ABCB7: variants seen among roughly 807,000 people sequenced by gnomAD.
The protein encoded by ABCB7 is ATP binding cassette subfamily B member 7.
ABCB7 carries 7 observed loss-of-function variants against 54.4 expected under a neutral mutation model. That is an observed-to-expected ratio of 0.13 (90% CI 0.07 to 0.24). ABCB7 has a LOEUF of 0.24. Ranked by LOEUF, ABCB7 falls within the 10% of genes least tolerant of loss-of-function variation. ABCB7 has a pLI of 1.00. For synonymous variants in ABCB7, 218 were observed against 207.1 expected, an observed-to-expected ratio of 1.05 and a Z score of -0.45; for missense variants, 356 against 570.4, an observed-to-expected ratio of 0.62 and a Z score of 3.83.
chrX:75,080,373 C>T (rs926246298), intron 4 of ABCB7, among the ~76,000 whole-genome samples: 7 of 111,731 alleles, frequency 6.3e-5, no homozygotes, highest in African/African-American at 2.3e-4. Flanking sequence ...GGCATGATCT[C>T]GGCTCAGTGC....
intron 1 of ABCB7, among the ~76,000 whole-genome samples, chrX:75,127,492 C>G (rs923874496): frequency 2.7e-5 from 3 of 111,900 alleles, no homozygotes; most frequent in African/African-American, 9.8e-5. Context: ...CCTTTGAAAA[C>G]TGGCACAAGG....
intron 6 of ABCB7, among the ~76,000 whole-genome samples, chrX:75,075,145 T>C (rs2081397486): frequency 8.9e-6 from 1 of 112,131 alleles, no homozygotes; most frequent in African/African-American, 3.2e-5. Flanking sequence ...CTAATCTATG[T>C]GTAGAATTGA....
intron 3 of ABCB7, among the ~76,000 whole-genome samples, chrX:75,108,433 C>T (rs187020110): frequency 5.2e-4 from 58 of 111,646 alleles, no homozygotes; most frequent in Admixed American, 4.9e-3. Flanking sequence ...TCCTCCTCTG[C>T]TATCAGAATA....
intron 4 of ABCB7, among the ~76,000 whole-genome samples, chrX:75,097,031 C>CT (rs2081597593): frequency 9.0e-6 from 1 of 111,488 alleles, no homozygotes; most frequent in African/African-American, 3.3e-5. Context: ...TTGAATTCAT[C>CT]TTTTACACAT....
intron 1 of ABCB7, among the ~76,000 whole-genome samples, chrX:75,115,397 TTCTG>T (rs1250715551): frequency 9.9e-6 from 1 of 101,404 alleles, no homozygotes; most frequent in African/African-American, 3.6e-5. Context: ...TCTTTCTGGT[TTCTG>T]TCTCTTTTCT....
At chrX:75,155,608 C>T (rs1431250142) in intron 1 of ABCB7, among the ~76,000 whole-genome samples, 1 of 111,409 alleles carries the variant, frequency 9.0e-6, no homozygotes, top group Non-Finnish European at 1.9e-5. Context: ...ACGGTTTTGG[C>T]CTATCAAGAA....
rs187642491 is a variant in ABCB7, at chrX:75,088,881, A to C, written c.453+10061T>G. The stretch of plus-strand genomic sequence containing the variant: ...AACACAACAACAACAACAACAAAAA[A>C]AAAACTCCCAAAAGGTACAGCCTGG... On this transcript the variant is annotated intron_variant, in intron 4 of 15. Coordinates refer to ENST00000373394, the MANE Select transcript of ABCB7 (RefSeq NM_001271696.3). 3.1e-3 allele frequency among the ~76,000 whole-genome samples: 342 copies of C among 110,312 alleles called. 1 individual carries two copies. The highest frequency in any genetic ancestry group is 0.01 in the African/African-American group (313 of 30,623).
At chrX:75,128,017 T>C (rs923625725) in intron 1 of ABCB7, among the ~76,000 whole-genome samples, 5 of 111,940 alleles carry the variant, frequency 4.5e-5, no homozygotes, top group Non-Finnish European at 9.4e-5. Flanking sequence ...AAAATGGCTA[T>C]ACTGCCCAAA....
At position 75,051,378 on chromosome X, in the gene ABCB7, A is replaced by G. The variant is rs2081195307; in HGVS notation, c.*1992T>C. On this transcript the variant is annotated 3_prime_UTR_variant, in exon 16 of 16. Transcript: ENST00000373394. ...AAATTAATCTCTCCCATATCAAATT[A>G]TCATGAAAAATTTCTTAAAACTATA... is the stretch of plus-strand genomic sequence containing the variant. Among the ~76,000 whole-genome samples the G allele has an allele frequency of 1.8e-5, 2 of 111,694 alleles. 1 individual carries two copies. The highest frequency in any genetic ancestry group is 7.5e-4 in the South Asian group (2 of 2,680).
At chrX:75,138,692 T>C (rs1351556987) in intron 1 of ABCB7, among the ~76,000 whole-genome samples, 2 of 111,475 alleles carry the variant, frequency 1.8e-5, no homozygotes, top group African/African-American at 6.5e-5. Flanking sequence ...TTGAACATTA[T>C]CCCAGACTTG....
intron 1 of ABCB7, among the ~76,000 whole-genome samples, chrX:75,123,350 G>T (rs1490781710): frequency 1.8e-5 from 2 of 111,522 alleles, no homozygotes; most frequent in Non-Finnish European, 3.8e-5. Context: ...ATATGGATGG[G>T]TTTATTTCTG....
At chrX:75,055,038 C>T (rs2081225779) in intron 15 of ABCB7, among the ~76,000 whole-genome samples, 1 of 111,612 alleles carries the variant, frequency 9.0e-6, no homozygotes, top group Admixed American at 9.5e-5. Flanking sequence ...CTGATCTTTT[C>T]TCTATATTCT....
chrX:75,133,090 A>G (rs138560553), intron 1 of ABCB7, among the ~76,000 whole-genome samples: 1 of 112,202 alleles, frequency 8.9e-6, no homozygotes, highest in Non-Finnish European at 1.9e-5. Context: ...CAGGTATACA[A>G]TAAAATGATT....
intron 1 of ABCB7, among the ~76,000 whole-genome samples, chrX:75,147,341 A>AT (rs2082099126): frequency 1.8e-5 from 2 of 112,003 alleles, no homozygotes; most frequent in South Asian, 7.5e-4. Context: ...AGGAATATAA[A>AT]TCATTCTATT....
In ABCB7 at chrX:75,053,530, A is replaced by T; in HGVS notation, c.2099T>A (p.Ile700Asn). 8.3e-7 allele frequency: 1 copy of T among 1,207,095 alleles called. No individual in the cohort carries two copies. The highest frequency in any genetic ancestry group is 3.0e-5 in the East Asian group (1 of 33,750). Residue 700 changes from isoleucine to asparagine, a missense_variant, in exon 16 of 16, where the codon ATC becomes AAC. By Grantham distance (149) the Ile-to-Asn change is moderately radical (BLOSUM62 -3). Around this residue, in one of 2 missense-constraint regions of ABCB7, gnomAD observed 241 missense variants for 470.9 expected, o/e 0.51. Coordinates refer to ENST00000373394, the MANE Select transcript of ABCB7 (RefSeq NM_001271696.3). Reference protein sequence around the residue: ...HHGLLANPHSIYSEMWHTQSS... With the variant: ...HHGLLANPHSNYSEMWHTQSS... The stretch of plus-strand genomic sequence containing the variant: ...CTGTGTATGCCACATTTCTGAATAG[A>T]TACTATGAGGGTTAGCAAGCAAACC...
chrX:75,150,624 C>T (rs998857636), intron 1 of ABCB7, among the ~76,000 whole-genome samples: 13 of 111,041 alleles, frequency 1.2e-4, no homozygotes, highest in Non-Finnish European at 1.5e-4. Flanking sequence ...TCTGTCTTGA[C>T]GTTTTTATTA....
At chrX:75,122,359 G>A (rs1359645751) in intron 1 of ABCB7, among the ~76,000 whole-genome samples, 2 of 109,050 alleles carry the variant, frequency 1.8e-5, no homozygotes, top group Admixed American at 9.7e-5. Flanking sequence ...AAAAAGGGGA[G>A]GTGTGAATAA....
chrX:75,092,650 T>C lies in ABCB7; in HGVS notation c.453+6292A>G, dbSNP rs148620868. 3.2e-3 allele frequency among the ~76,000 whole-genome samples: 352 copies of C among 111,557 alleles called. 1 individual carries two copies. The highest frequency in any genetic ancestry group is 0.01 in the African/African-American group (323 of 30,817). On this transcript the variant is annotated intron_variant, in intron 4 of 15. Transcript: ENST00000373394. ...ACAAGCCACAGACTGAGACAAAGTA[T>C]TTGCAAAAGACTTAACTGATAAAGT...
chrX:75,103,201 G>A (rs1280834861), intron 3 of ABCB7, among the ~76,000 whole-genome samples: 1 of 111,424 alleles, frequency 9.0e-6, no homozygotes, highest in East Asian at 2.8e-4. Flanking sequence ...ATAGACCAAT[G>A]TCCTAAAGTA....
Sources: allele counts gnomAD v4.1 joint callset (sites outside exome capture counted in the v4.1 genomes callset), GRCh38; gene constraint gnomAD v4.1.1; regional missense constraint gnomAD v4.1.1; transcripts MANE v1.5; gene names NCBI Gene and HGNC (gene_info 2026-07-23, HGNC 2026-07-21).